The following WASHC2A variants were observed in gnomAD, a reference collection of about 807,000 sequenced individuals.
WASHC2A encodes WASH complex subunit 2A, also known as WASH complex subunit FAM21A.
Under a neutral mutation model 140.3 loss-of-function variants are expected in WASHC2A, and 82 were observed. The observed-to-expected ratio is 0.58, with a 90% CI of 0.49 to 0.70. WASHC2A has a LOEUF of 0.70. Ranked by LOEUF, WASHC2A falls within the 30% of genes least tolerant of loss-of-function variation. WASHC2A has a pLI of 0.00. For missense variants in WASHC2A, 985 were observed against 1,521.8 expected, an observed-to-expected ratio of 0.65 and a Z score of 5.87; for synonymous variants, 340 against 560.8, an observed-to-expected ratio of 0.61 and a Z score of 5.56.
chr10:50,079,597 C>T (rs1838710348), intron 4 of WASHC2A, among the ~76,000 whole-genome samples: 1 of 152,184 alleles, frequency 6.6e-6, no homozygotes. Context: ...CGGGGTTTTG[C>T]CATGTTGGCC....
Position 50,127,106 on chromosome 10 carries a change from C to A in WASHC2A, c.2812-54C>A, listed in dbSNP as rs1843502293. ...CAGATTTATTTACAGGCATAAGAAA[C>A]ACTTGTCTTTCTGTTTCCCAAATGG... On this transcript the variant is annotated intron_variant, in intron 26 of 30. Transcript: ENST00000282633. 4.4e-6 allele frequency: 7 copies of A among 1,605,920 alleles called. No homozygotes were observed. In the Admixed American group the frequency reaches 1.2e-4, roughly 27 times the overall value.
chr10:50,105,123 A>G (rs1264611308), intron 18 of WASHC2A, among the ~76,000 whole-genome samples: 15 of 152,008 alleles, frequency 9.9e-5, no homozygotes, highest in Admixed American at 3.3e-4. Flanking sequence ...CATATACCCA[A>G]TGACCTACAA....
At chr10:50,074,312 G>A (rs1589144758) in intron 3 of WASHC2A, among the ~76,000 whole-genome samples, 1 of 137,186 alleles carries the variant, frequency 7.3e-6, no homozygotes, top group African/African-American at 2.6e-5. Context: ...TGCTCACCCT[G>A]AAAAGATCCC....
intron 29 of WASHC2A, among the ~76,000 whole-genome samples, 166 bp downstream of exon 29, chr10:50,130,205 G>C (rs1157327746): frequency 6.6e-6 from 1 of 150,792 alleles, no homozygotes; most frequent in African/African-American, 2.4e-5. Flanking sequence ...CATTGATTCA[G>C]AAGTGGTTTT....
intron 10 of WASHC2A, among the ~76,000 whole-genome samples, chr10:50,091,768 A>C (rs1839952015): frequency 6.6e-6 from 1 of 152,360 alleles, no homozygotes; most frequent in African/African-American, 2.4e-5. Flanking sequence ...ATATAATTTC[A>C]GGGGATTAAT....
chr10:50,090,578 T>C (rs1388361807), intron 8 of WASHC2A, among the ~76,000 whole-genome samples, 198 bp from the exon 9 acceptor site: 1 of 147,032 alleles, frequency 6.8e-6, no homozygotes, highest in Non-Finnish European at 1.5e-5. Context: ...TTTTTATATA[T>C]ATATTTTTCT....
At chr10:50,130,878 G>C (rs768348538) in intron 29 of WASHC2A, 23 bp from the exon 30 acceptor site, 12 of 1,603,892 alleles carry the variant, frequency 7.5e-6, no homozygotes, top group Non-Finnish European at 8.5e-6. Context: ...ACATTATTTT[G>C]TATGTATTTT....
In WASHC2A at chr10:50,133,129, A is replaced by T; in HGVS notation, c.*184A>T. ...ATCATGCTTAATACTACAAAACAAA[A>T]ATAAATATTTCACAGTGGTTGGTTT... On this transcript the variant is annotated 3_prime_UTR_variant, in exon 31 of 31. Transcript: ENST00000282633. 8 of 944,518 alleles carry T rather than the reference A, an allele frequency of 8.5e-6. No homozygotes were observed. The highest frequency in any genetic ancestry group is 1.3e-5 in the Non-Finnish European group (8 of 635,328). The allele number at this position is 944,518 out of a possible 1,614,324, so 58.5% of individuals were successfully genotyped here. A position where few individuals can be genotyped will look rare whatever the true frequency, so the allele number is the denominator to read the frequency against.
intron 15 of WASHC2A, 39 bp downstream of exon 15, chr10:50,095,817 A>G: frequency 6.4e-7 from 1 of 1,567,642 alleles, no homozygotes; most frequent in Non-Finnish European, 8.6e-7. Context: ...CTTCAGCCAG[A>G]AAAAGAACGT....
intron 3 of WASHC2A, among the ~76,000 whole-genome samples, chr10:50,078,456 AT>A (rs1838570160): frequency 6.6e-6 from 1 of 151,364 alleles, no homozygotes; most frequent in South Asian, 2.1e-4. Context: ...AGTCATTTGT[AT>A]TTAAAAATTT....
At chr10:50,116,138 AAAAC>A (rs2132951965) in intron 21 of WASHC2A, among the ~76,000 whole-genome samples, 1 of 131,404 alleles carries the variant, frequency 7.6e-6, no homozygotes, top group South Asian at 2.9e-4. Flanking sequence ...AAGAAAGAAA[AAAAC>A]AGGAAGTAAA....
intron 27 of WASHC2A, 40 bp downstream of exon 27, chr10:50,127,262 C>T: frequency 1.2e-6 from 2 of 1,611,834 alleles, no homozygotes; most frequent in East Asian, 2.2e-5. Flanking sequence ...TGCCCTGTGG[C>T]ATCTATAAAC....
Position 50,069,641 on chromosome 10 carries a change from C to T in WASHC2A, c.221C>T (p.Ala74Val). 1 of 1,613,958 alleles carries T rather than the reference C, an allele frequency of 6.2e-7. No homozygotes were observed. The highest frequency in any genetic ancestry group is 1.7e-5 in the Admixed American group (1 of 60,016). Residue 74 changes from alanine to valine, a missense_variant, in exon 3 of 31, where the codon GCC becomes GTC. By Grantham distance (64) the Ala-to-Val change is moderately conservative (BLOSUM62 0). Coordinates refer to ENST00000282633, the MANE Select transcript of WASHC2A (RefSeq NM_001005751.3). ...QVDGLIRETK[A>V]TDCRLHNVFN... ...GACGGACTAATTCGGGAAACCAAAGCCACAGATTGTCGCCTGCATAATGTC... is the reference window on the plus strand; with the variant it reads ...GACGGACTAATTCGGGAAACCAAAGTCACAGATTGTCGCCTGCATAATGTC...
chr10:50,087,665 T>A lies in WASHC2A; in HGVS notation c.732+343T>A, dbSNP rs1314648186. On this transcript the variant is annotated intron_variant, in intron 8 of 30. Transcript: ENST00000282633. ...ATTGGAGACAATCTAGCAGTAACATTATTGAGTATTCACAAGATGAAAACT... is the reference window on the plus strand; with the variant it reads ...ATTGGAGACAATCTAGCAGTAACATAATTGAGTATTCACAAGATGAAAACT... 3.9e-5 allele frequency among the ~76,000 whole-genome samples: 6 copies of A among 152,162 alleles called. No homozygotes were observed. The East Asian group carries it at 9.7e-4, about 24-fold the overall frequency.
chr10:50,115,418 C>CAA (rs1194829871), intron 21 of WASHC2A, among the ~76,000 whole-genome samples: 5 of 105,262 alleles, frequency 4.8e-5, no homozygotes, highest in Non-Finnish European at 1.0e-4. Flanking sequence ...CCACACGAGA[C>CAA]ACAGCATTTA....
chr10:50,071,598 C>T (rs1837824106), intron 3 of WASHC2A, among the ~76,000 whole-genome samples: 1 of 151,354 alleles, frequency 6.6e-6, no homozygotes, highest in South Asian at 2.1e-4. Flanking sequence ...AGCCACGGCG[C>T]CCGGCAAGGG....
intron 3 of WASHC2A, among the ~76,000 whole-genome samples, chr10:50,071,395 T>C: frequency 6.6e-6 from 1 of 151,428 alleles, no homozygotes; most frequent in Non-Finnish European, 1.5e-5. Context: ...AAGCTCCGCC[T>C]CCCGGGTTCA....
chr10:50,103,433 G>T (rs1280081043), intron 17 of WASHC2A, among the ~76,000 whole-genome samples: 1 of 151,998 alleles, frequency 6.6e-6, no homozygotes, highest in Non-Finnish European at 1.5e-5. Flanking sequence ...GGTGGCAGGC[G>T]CCTGTAGTCT....
intron 20 of WASHC2A, among the ~76,000 whole-genome samples, chr10:50,110,641 C>T (rs1842203473): frequency 6.6e-6 from 1 of 151,990 alleles, no homozygotes; most frequent in East Asian, 1.9e-4. Flanking sequence ...GCCTGTAATC[C>T]CAGCACTTTG....
Sources: gnomAD v4.1 joint callset for allele counts (sites outside exome capture counted in the v4.1 genomes callset) on GRCh38, gnomAD v4.1.1 for gene constraint, MANE v1.5 for transcripts, NCBI Gene and HGNC (gene_info 2026-07-23, HGNC 2026-07-21) for gene names.